The following FBN3 variants were observed in gnomAD, a reference collection of about 807,000 sequenced individuals.
The protein encoded by FBN3 is fibrillin 3.
In FBN3, 234 loss-of-function variants were observed where a neutral mutation model predicts 330.1. That is an observed-to-expected ratio of 0.71 (90% CI 0.64 to 0.79). FBN3 has a LOEUF of 0.79. Among genes scored for constraint, FBN3 ranks in the 30% least tolerant of loss-of-function variants. The pLI, the probability that FBN3 is intolerant of heterozygous loss-of-function variation, is 0.00. For synonymous variants in FBN3, 1,458 were observed against 1,517.3 expected, an observed-to-expected ratio of 0.96 and a Z score of 0.91; for missense variants, 3,606 against 3,886.9, an observed-to-expected ratio of 0.93 and a Z score of 1.92.
chr19:8,141,955 T>C lies in FBN3; in HGVS notation c.724A>G (p.Thr242Ala). ...CRRGFIPNIH[T>A]GACQDVDECQ... ...CACTATTCACCTTGGCAGGCCCCCGTGTGGATATTGGGGATGAAGCCGCGG... is the reference window on the plus strand; with the variant it reads ...CACTATTCACCTTGGCAGGCCCCCGCGTGGATATTGGGGATGAAGCCGCGG... The change falls in exon 7 of 64, where the codon ACG (threonine) becomes GCG (alanine). Residue 242 changes from threonine (T) to alanine (A), a missense_variant. Thr to Ala is a moderately conservative substitution (Grantham distance 58, BLOSUM62 0). Coordinates refer to ENST00000600128, the MANE Select transcript of FBN3 (RefSeq NM_032447.5). 2 of 1,614,092 alleles carry C rather than the reference T, an allele frequency of 1.2e-6. No individual in the cohort carries two copies. The highest frequency in any genetic ancestry group is 1.7e-4 in the Middle Eastern group (1 of 6,060).
At chr19:8,073,748 T>C (rs555824076) in intron 61 of FBN3, among the ~76,000 whole-genome samples, 1 of 152,288 alleles carries the variant, frequency 6.6e-6, no homozygotes, top group Non-Finnish European at 1.5e-5. Context: ...GGTGCAACCA[T>C]AGTGCACTGC....
chr19:8,111,631 C>CCCCCCCCCAAAAA lies in FBN3; in HGVS notation c.4084+16_4084+17insTTTTTGGGGGGGG. On this transcript the variant is annotated intron_variant, in intron 32 of 63. Coordinates refer to ENST00000600128, the MANE Select transcript of FBN3 (RefSeq NM_032447.5). ...TGTCCCTCTAGGGCCCCTGCCCTCC[C>CCCCCCCCCAAAAA]ACCCCTCTAATCTCACCTTCGCAGA... 6.4e-7 allele frequency: 1 copy of CCCCCCCCCAAAAA among 1,565,662 alleles called. No homozygotes were observed.
At position 8,121,166 on chromosome 19, in the gene FBN3, G is replaced by A. The variant is rs879227858; in HGVS notation, c.3211+92C>T. 17 of 1,255,410 alleles carry A rather than the reference G, an allele frequency of 1.4e-5. No individual in the cohort carries two copies. The highest frequency in any genetic ancestry group is 5.0e-5 in the East Asian group (2 of 39,792). The allele number at this position is 1,255,410 out of a possible 1,614,324, so 77.8% of individuals were successfully genotyped here. A position where few individuals can be genotyped will look rare whatever the true frequency, so the allele number is the denominator to read the frequency against. On this transcript the variant is annotated intron_variant, in intron 25 of 63. Transcript: ENST00000600128. This position sits in a 1 kb window ranked among gnomAD's most constrained non-coding sequence, Gnocchi z 4.5. ...CCCTCCTCCTGCCCCCTCCATCCAC[G>A]TCCACACAGCAACAGCCGTCCCCAC... is the stretch of plus-strand genomic sequence containing the variant.
At chr19:8,088,727 A>C (rs2082022858) in intron 51 of FBN3, among the ~76,000 whole-genome samples, 1 of 152,218 alleles carries the variant, frequency 6.6e-6, no homozygotes, top group Non-Finnish European at 1.5e-5. Context: ...GCATGAATGA[A>C]TGAGCAAAGG....
Position 8,125,740 on chromosome 19 carries a change from G to A in FBN3, c.2731+152C>T, listed in dbSNP as rs1424757211. ...CGGGAGGCGGAAGTTACAGTGAGCC[G>A]AGATTGCGCCACTGCACTCCAGCCT... On this transcript the variant is annotated intron_variant, in intron 22 of 63. Coordinates refer to ENST00000600128, the MANE Select transcript of FBN3 (RefSeq NM_032447.5). The A allele has an allele frequency of 1.5e-5, 12 of 793,044 alleles. No homozygotes were observed. In the Admixed American group the frequency reaches 2.7e-4, roughly 18 times the overall value. The allele number at this position is 793,044 out of a possible 1,614,324, so 49.1% of individuals were successfully genotyped here.
chr19:8,126,315 T>C lies in FBN3; in HGVS notation c.2587A>G (p.Thr863Ala). 6.3e-7 allele frequency: 1 copy of C among 1,589,630 alleles called. No homozygotes were observed. ...CAGTTACCATCGCAGGTGACACCCG[T>C]CATCCGGGCAAAGCCCCGGGCACAG... The part of the protein sequence containing the change: ...PACARGFARM[T>A]GVTCDDVNEC... The change falls in exon 21 of 64, where the codon ACG becomes GCG. Residue 863 changes from threonine to alanine, a missense_variant. By Grantham distance (58) the Thr-to-Ala change is moderately conservative. Transcript: ENST00000600128.
At chr19:8,127,165 C>G (rs1471338184) in intron 18 of FBN3, among the ~76,000 whole-genome samples, 3 of 148,688 alleles carry the variant, frequency 2.0e-5, no homozygotes, top group Non-Finnish European at 4.4e-5. Context: ...TCAAGCGATT[C>G]TCGTGCCTCA....
chr19:8,107,777 G>A (rs578141672), intron 37 of FBN3, among the ~76,000 whole-genome samples: 2 of 147,918 alleles, frequency 1.4e-5, no homozygotes, highest in East Asian at 4.2e-4. Context: ...AGGATGTATG[G>A]ATGTACTGGA....
At chr19:8,094,357 T>C in intron 47 of FBN3, 89 bp downstream of exon 47, 1 of 1,419,164 alleles carries the variant, frequency 7.0e-7, no homozygotes, top group Non-Finnish European at 9.6e-7. Flanking sequence ...TCCACCTTCA[T>C]CACAACCCTA....
At position 8,126,795 on chromosome 19, in the gene FBN3, G is replaced by A. The variant is rs772517546; in HGVS notation, c.2334C>T (p.Gly778=). The A allele has an allele frequency of 5.8e-5, 92 of 1,587,218 alleles. 2 individuals carry two copies. In the South Asian group the frequency reaches 9.4e-4, roughly 16 times the overall value. The change falls in exon 19 of 64, where the codon GGC becomes GGT. Residue 778 remains glycine (G), a synonymous_variant. Transcript: ENST00000600128. ...DECLSSPCVS[G]VCRNLAGSYT... ...AGGAGCCGGCCAGGTTCCGACAGAC[G>A]CCACTCACACACGGGCTGGACAGGC... is the stretch of plus-strand genomic sequence containing the variant.
At chr19:8,135,905 A>C in intron 13 of FBN3, 56 bp downstream of exon 13, 1 of 1,431,546 alleles carries the variant, frequency 7.0e-7, no homozygotes, top group Non-Finnish European at 9.5e-7. Flanking sequence ...AGGTGGCTGT[A>C]AAAGGCAGCT....
intron 61 of FBN3, chr19:8,074,704 C>A: frequency 5.2e-6 from 1 of 193,008 alleles, no homozygotes. Context: ...ATAGCATGCA[C>A]ACCTCCATTG....
chr19:8,145,371 CTCAAAAAAAAAA>C (rs1306104126), intron 5 of FBN3, among the ~76,000 whole-genome samples: 1 of 46,880 alleles, frequency 2.1e-5, no homozygotes. Flanking sequence ...AAAACTCCAT[CTCAAAAAAAAAA>C]AAAAAAAAAA....
Position 8,132,978 on chromosome 19 carries a change from G to GC in FBN3, c.1714+5dup. ...CCTCCGCTGGCCAGTCTGGCTCCAG[G>GC]CTCACCCATGCAGTAGTGGCCGCCA... is the stretch of plus-strand genomic sequence containing the variant. On this transcript the variant is annotated splice_donor_region_variant and intron_variant, in intron 14 of 63. Transcript: ENST00000600128. The GC allele has an allele frequency of 6.5e-7, 1 of 1,548,972 alleles. No homozygotes were observed. The highest frequency in any genetic ancestry group is 8.7e-7 in the Non-Finnish European group (1 of 1,150,796).
chr19:8,122,381 A>G (rs1251380994), intron 24 of FBN3, among the ~76,000 whole-genome samples: 2 of 151,820 alleles, frequency 1.3e-5, no homozygotes, highest in Admixed American at 6.6e-5. Flanking sequence ...ATTTATTTAT[A>G]TTTGAGACAC....
Position 8,109,408 on chromosome 19 carries a change from T to C in FBN3, c.4457-20A>G. ...GAGTGTCTGAACAGGCAGAAGGGGA[T>C]GGTTAGTAGGTGTCAGAGGGAAAGC... On this transcript the variant is annotated intron_variant, in intron 35 of 63. Coordinates refer to ENST00000600128, the MANE Select transcript of FBN3 (RefSeq NM_032447.5). The surrounding 1 kb of genome is among the most constrained non-coding windows in gnomAD (Gnocchi z 5.2). 1 of 1,613,896 alleles carries C rather than the reference T, an allele frequency of 6.2e-7. No homozygotes were observed. The highest frequency in any genetic ancestry group is 8.5e-7 in the Non-Finnish European group (1 of 1,179,888).
rs17160194 is a variant in FBN3 at position 8,110,886 on chromosome 19, T to A, written c.4292A>T (p.Asn1431Ile). 3,283 of 1,614,212 alleles carry A rather than the reference T, an allele frequency of 2.0e-3. 60 individuals are homozygous for A. In the African/African-American group the frequency reaches 0.038, roughly 19 times the overall value. The change falls in exon 34 of 64, where the codon AAT becomes ATT. Residue 1431 changes from asparagine to isoleucine, a missense_variant. Asn to Ile is a moderately radical substitution (Grantham distance 149, BLOSUM62 -3). Transcript: ENST00000600128. The stretch of plus-strand genomic sequence containing the variant: ...CCCTCGGTCCAGTTCGTAGCCACCA[T>A]TGCAGATGCAGCGGAACATTCCAGG... The part of the protein sequence containing the change: ...NLPGMFRCIC[N>I]GGYELDRGGG...
intron 51 of FBN3, among the ~76,000 whole-genome samples, chr19:8,089,018 ATGAG>A (rs1406847733): frequency 6.6e-6 from 1 of 152,166 alleles, no homozygotes; most frequent in African/African-American, 2.4e-5. Flanking sequence ...TAGCAAGTGA[ATGAG>A]TGAGGGGGCA....
intron 24 of FBN3, among the ~76,000 whole-genome samples, chr19:8,122,009 A>G (rs1176910371): frequency 6.6e-6 from 1 of 151,974 alleles, no homozygotes; most frequent in African/African-American, 2.4e-5. Flanking sequence ...TTGGCCTCCC[A>G]AAGTGCTAGG....
Sources: allele counts gnomAD v4.1 joint callset (sites outside exome capture counted in the v4.1 genomes callset), GRCh38; gene constraint gnomAD v4.1.1; non-coding constraint Gnocchi (gnomAD v3.1); transcripts MANE v1.5; gene names NCBI Gene and HGNC (gene_info 2026-07-23, HGNC 2026-07-21).